Variants in PLCB1 observed in about 807,000 individuals in gnomAD.
PLCB1 encodes 1-phosphatidylinositol 4,5-bisphosphate phosphodiesterase beta-1.
In PLCB1, 46 loss-of-function variants were observed where a neutral mutation model predicts 161.8. The observed-to-expected ratio is 0.28, with a 90% CI of 0.22 to 0.36. PLCB1 has a LOEUF of 0.36. PLCB1 is among the 10% of genes least tolerant of loss of function. The pLI is 1.00. For synonymous variants in PLCB1, 517 were observed against 503.7 expected, an observed-to-expected ratio of 1.03 and a Z score of -0.35; for missense variants, 1,016 against 1,472.5, an observed-to-expected ratio of 0.69 and a Z score of 5.07.
At chr20:8,565,832 T>C (rs1472638660) in intron 3 of PLCB1, among the ~76,000 whole-genome samples, 1 of 152,098 alleles carries the variant, frequency 6.6e-6, no homozygotes, top group Non-Finnish European at 1.5e-5. Context: ...GAGGTGAAGA[T>C]TGAGGTTCCA....
intron 31 of PLCB1, among the ~76,000 whole-genome samples, chr20:8,871,802 TGTAA>T (rs1987618476): frequency 6.6e-6 from 1 of 152,224 alleles, no homozygotes; most frequent in South Asian, 2.1e-4. Context: ...TTTTTTTTGC[TGTAA>T]GTGATTTTTT....
intron 2 of PLCB1, among the ~76,000 whole-genome samples, chr20:8,282,572 A>G (rs1314659438): frequency 6.6e-6 from 1 of 152,198 alleles, no homozygotes; most frequent in Non-Finnish European, 1.5e-5. Context: ...TTTATGTTAT[A>G]TCCGGCAAAG....
chr20:8,606,921 A>G (rs1469477849), intron 3 of PLCB1, among the ~76,000 whole-genome samples: 1 of 152,194 alleles, frequency 6.6e-6, no homozygotes, highest in African/African-American at 2.4e-5. Flanking sequence ...CTACAATTCT[A>G]GAATGAATTG....
chr20:8,183,520 AGT>A (rs2051869435), intron 2 of PLCB1, among the ~76,000 whole-genome samples: 2 of 152,234 alleles, frequency 1.3e-5, no homozygotes, highest in Admixed American at 1.3e-4. Context: ...TGCCAGTCAC[AGT>A]GTTAAAATAA....
At chr20:8,196,650 TTA>T (rs1156543696) in intron 2 of PLCB1, among the ~76,000 whole-genome samples, 1 of 146,264 alleles carries the variant, frequency 6.8e-6, no homozygotes, top group South Asian at 2.1e-4. Context: ...CTCCTTTTCT[TTA>T]TATATATATA....
Position 8,864,177 on chromosome 20 carries a change from G to A in PLCB1, c.3424-17445G>A, listed in dbSNP as rs138437464. Among the ~76,000 whole-genome samples the A allele has an allele frequency of 3.2e-3, 492 of 152,270 alleles. 3 individuals are homozygous for A. The highest frequency in any genetic ancestry group is 0.011 in the African/African-American group (471 of 41,564). ...GCAAAGAGAAAGGGGGAAATGATGT[G>A]GTAGGCCTTTGATGAAGTTAAGTGG... On this transcript the variant is annotated intron_variant, in intron 31 of 31. Transcript: ENST00000338037.
At chr20:8,614,091 A>AT (rs1273638873) in intron 3 of PLCB1, among the ~76,000 whole-genome samples, 2 of 152,142 alleles carry the variant, frequency 1.3e-5, no homozygotes, top group Non-Finnish European at 2.9e-5. Context: ...AGACATGTGA[A>AT]TGGCCAATAA....
intron 3 of PLCB1, among the ~76,000 whole-genome samples, chr20:8,385,403 A>G (rs1200859402): frequency 2.0e-5 from 3 of 152,188 alleles, no homozygotes; most frequent in Non-Finnish European, 4.4e-5. Flanking sequence ...CATGGCCTGG[A>G]GCTGTAGAGA....
At chr20:8,615,077 T>C (rs569599615) in intron 3 of PLCB1, among the ~76,000 whole-genome samples, 2 of 152,340 alleles carry the variant, frequency 1.3e-5, no homozygotes, top group Admixed American at 6.5e-5. Flanking sequence ...TAAATGCTCA[T>C]AGTTGCACAG....
At chr20:8,396,892 A>G (rs1387465367) in intron 3 of PLCB1, among the ~76,000 whole-genome samples, 2 of 152,086 alleles carry the variant, frequency 1.3e-5, no homozygotes, top group Non-Finnish European at 2.9e-5. Flanking sequence ...TGGAAATCAT[A>G]TTAACTACTT....
At chr20:8,823,408 C>T (rs11905644) in intron 31 of PLCB1, among the ~76,000 whole-genome samples, 5,741 of 152,274 alleles carry the variant, frequency 0.038, 333 homozygotes, top group African/African-American at 0.12. Context: ...CAGGCCTGAG[C>T]CATCATGCCC....
rs1443767581 is a variant in PLCB1 at position 8,883,698 on chromosome 20, A to T, written c.*1849A>T. 1 of 152,526 alleles carries T rather than the reference A, an allele frequency of 6.6e-6. No individual in the cohort carries two copies. The highest frequency in any genetic ancestry group is 1.5e-5 in the Non-Finnish European group (1 of 67,972). The allele number at this position is 152,526 out of a possible 1,614,324, so 9.4% of individuals were successfully genotyped here. ...AACATAAGGAAACAGTGTTTGATTA[A>T]AAAAAACACATCTAGTAAGACGTAA... On this transcript the variant is annotated 3_prime_UTR_variant, in exon 32 of 32. Transcript: ENST00000338037.
intron 3 of PLCB1, among the ~76,000 whole-genome samples, chr20:8,523,494 C>CTT (rs1419507917): frequency 2.0e-5 from 1 of 49,584 alleles, no homozygotes; most frequent in Non-Finnish European, 4.3e-5. Context: ...CTCTCTCTCT[C>CTT]TCTATATATA....
intron 10 of PLCB1, among the ~76,000 whole-genome samples, chr20:8,686,006 A>G (rs1476742815): frequency 6.6e-6 from 1 of 152,176 alleles, no homozygotes; most frequent in Non-Finnish European, 1.5e-5. Flanking sequence ...TCATTGAAAT[A>G]TTTTTATAAA....
chr20:8,252,796 G>A (rs6140563), intron 2 of PLCB1, among the ~76,000 whole-genome samples: 11,037 of 151,918 alleles, frequency 0.073, 489 homozygotes, highest in East Asian at 0.16. Flanking sequence ...GTAGGGAACA[G>A]CATTAAGCTA....
At chr20:8,650,920 G>T (rs1989298791) in intron 7 of PLCB1, among the ~76,000 whole-genome samples, 1 of 152,110 alleles carries the variant, frequency 6.6e-6, no homozygotes. Flanking sequence ...GTAGGTGAGA[G>T]GACAAGCATG....
At chr20:8,310,521 G>T (rs1278879970) in intron 2 of PLCB1, among the ~76,000 whole-genome samples, 1 of 152,190 alleles carries the variant, frequency 6.6e-6, no homozygotes, top group Non-Finnish European at 1.5e-5. Context: ...TGCTGGGACA[G>T]GGATGGCCTG....
chr20:8,349,963 G>A (rs1037841227), intron 2 of PLCB1, among the ~76,000 whole-genome samples: 5 of 152,086 alleles, frequency 3.3e-5, no homozygotes, highest in African/African-American at 1.2e-4. Context: ...ACACCAAAGA[G>A]TCTATTAAAA....
intron 31 of PLCB1, among the ~76,000 whole-genome samples, chr20:8,855,347 C>G (rs1490532299): frequency 2.0e-5 from 3 of 152,122 alleles, no homozygotes; most frequent in Non-Finnish European, 2.9e-5. Context: ...TCCATTCTAA[C>G]TCTTTGGTCA....
Sources: allele counts gnomAD v4.1 joint callset (sites outside exome capture counted in the v4.1 genomes callset), GRCh38; gene constraint gnomAD v4.1.1; transcripts MANE v1.5; gene names NCBI Gene and HGNC (gene_info 2026-07-23, HGNC 2026-07-21).